Variants in RHBDF1 observed in about 807,000 individuals in gnomAD.
RHBDF1 encodes rhomboid 5 homolog 1.
A neutral mutation model predicts 98.6 loss-of-function variants in RHBDF1; 80 were observed. The ratio of observed to expected loss-of-function variants is 0.81; its 90% confidence interval spans 0.68 to 0.98. The LOEUF (loss-of-function observed/expected upper bound fraction) is 0.98, where lower values mean the gene tolerates loss of function less well. Among genes scored for constraint, RHBDF1 ranks in the 50% least tolerant of loss-of-function variants. RHBDF1 has a pLI of 0.00. For missense variants in RHBDF1, 1,116 were observed against 1,198.3 expected, an observed-to-expected ratio of 0.93 and a Z score of 1.01; for synonymous variants, 512 against 486.8, an observed-to-expected ratio of 1.05 and a Z score of -0.68.
Position 63,779 on chromosome 16 carries a change from T to C in RHBDF1, c.270A>G (p.Gly90=), listed in dbSNP as rs765627241. The change falls in exon 4 of 18, where the codon GGA becomes GGG. Residue 90 remains glycine (G), a synonymous_variant. Transcript: ENST00000262316. The stretch of plus-strand genomic sequence containing the variant: ...GGGTGCTGTCACTGTCCTTGCTCAC[T>C]CCAAACCAGTCGGCGGTCCCCCTGG... ...TIRRGTADWF[G]VSKDSDSTQK... is the part of the protein sequence containing the mutation. 3 of 1,613,512 alleles carry C rather than the reference T, an allele frequency of 1.9e-6. No homozygotes were observed. Among genetic ancestry groups the C allele is most frequent in the Non-Finnish European group, 1.7e-6 (2 of 1,179,758 alleles).
intron 1 of RHBDF1, 115 bp downstream of exon 1, chr16:72,398 C>T (rs1897997163): frequency 4.3e-6 from 2 of 460,358 alleles, no homozygotes; most frequent in African/African-American, 4.3e-5. Flanking sequence ...CGACACGGCC[C>T]CGGCCGCTCT....
chr16:73,885 G>A (rs752294130), upstream of RHBDF1: 18 of 965,940 alleles, frequency 1.9e-5, no homozygotes, highest in South Asian at 8.6e-4. Flanking sequence ...CAGAAAAGGG[G>A]AGAATTTGAA....
At position 62,206 on chromosome 16, in the gene RHBDF1, T is replaced by C. The variant is rs956377313; in HGVS notation, c.954-154A>G. ...CTCCTTGCCAGTAAAAAAGCAACAC[T>C]GCGGGCCTCCGGGGATGGCAGGGAG... On this transcript the variant is annotated intron_variant, in intron 7 of 17. Transcript: ENST00000262316. 7 of 1,093,654 alleles carry C rather than the reference T, an allele frequency of 6.4e-6. No individual in the cohort carries two copies. In the Admixed American group the frequency reaches 1.8e-4, roughly 29 times the overall value. The allele number at this position is 1,093,654 out of a possible 1,614,324, so 67.7% of individuals were successfully genotyped here.
Position 59,928 on chromosome 16 carries a change from G to GA in RHBDF1, c.1723-103dup. The GA allele has an allele frequency of 6.4e-6, 10 of 1,564,208 alleles. No individual in the cohort carries two copies. In the South Asian group the frequency reaches 1.2e-4, roughly 19 times the overall value. On this transcript the variant is annotated intron_variant, in intron 13 of 17. Coordinates refer to ENST00000262316, the MANE Select transcript of RHBDF1 (RefSeq NM_022450.5). ...CAAAGATGGGTGGGCTCATAAAGCAGAAAACGGTGTGGCTTCCTTGACTTC... is the reference window on the plus strand; with the variant it reads ...CAAAGATGGGTGGGCTCATAAAGCAGAAAAACGGTGTGGCTTCCTTGACTTC...
chr16:67,101 C>T (rs1013411411), intron 1 of RHBDF1, among the ~76,000 whole-genome samples: 1 of 152,212 alleles, frequency 6.6e-6, no homozygotes, highest in African/African-American at 2.4e-5. Context: ...TACCATCACC[C>T]TGCTGGTAAG....
At chr16:64,033 T>C (rs1897750607) in intron 3 of RHBDF1, 1 of 688,496 alleles carries the variant, frequency 1.5e-6, no homozygotes, top group Non-Finnish European at 2.6e-6. Context: ...GGTTGAGTGC[T>C]TCATAGAGGC....
chr16:66,589 A>G (rs1897835812), intron 1 of RHBDF1, among the ~76,000 whole-genome samples: 1 of 152,156 alleles, frequency 6.6e-6, no homozygotes, highest in Non-Finnish European at 1.5e-5. Context: ...GGGAGGGGGT[A>G]CTTCAGGGAT....
chr16:65,173 C>T, intron 1 of RHBDF1, 134 bp from the exon 2 acceptor site: 1 of 946,652 alleles, frequency 1.1e-6, no homozygotes, highest in Non-Finnish European at 1.5e-6. Flanking sequence ...CAGAGCACTA[C>T]TGTGTGCTCA....
chr16:69,518 C>A (rs145116371), intron 1 of RHBDF1, among the ~76,000 whole-genome samples: 14 of 152,156 alleles, frequency 9.2e-5, no homozygotes, highest in African/African-American at 1.4e-4. Context: ...TCCCCACCCA[C>A]ACGCTGCTCT....
Position 58,352 on chromosome 16 carries a change from A to C in RHBDF1, c.2556T>G (p.Ala852=). ...DKFCEKYELD[A]QLH ...GCCCGCAGCCAGCTCAGTGGAGCTG[A>C]GCGTCCAGTTCGTACTTCTCACAGA... Residue 852 remains alanine (A), a synonymous_variant, in exon 18 of 18, where the codon GCT becomes GCG. Coordinates refer to ENST00000262316, the MANE Select transcript of RHBDF1 (RefSeq NM_022450.5). 1 of 1,611,332 alleles carries C rather than the reference A, an allele frequency of 6.2e-7. No individual in the cohort carries two copies.
chr16:69,549 T>C (rs1240474818), intron 1 of RHBDF1, among the ~76,000 whole-genome samples: 1 of 152,018 alleles, frequency 6.6e-6, no homozygotes, highest in East Asian at 1.9e-4. Context: ...GTCTTCTGTT[T>C]GACTCCTAAT....
intron 17 of RHBDF1, 25 bp downstream of exon 17, chr16:58,949 T>G: frequency 6.2e-7 from 1 of 1,610,880 alleles, no homozygotes; most frequent in Non-Finnish European, 8.5e-7. Context: ...CACGGGAGGA[T>G]CCCCACCCTG....
upstream of RHBDF1, among the ~76,000 whole-genome samples, chr16:74,519 G>A (rs1314164697): frequency 6.6e-6 from 1 of 152,166 alleles, no homozygotes; most frequent in Admixed American, 6.5e-5. Flanking sequence ...CCTTCAGTGG[G>A]GAGCATGCCC....
In RHBDF1 at chr16:59,372, A is replaced by G. The variant is rs758447554; in HGVS notation, c.1894-23T>C. The G allele has an allele frequency of 6.2e-6, 10 of 1,612,092 alleles. No individual in the cohort carries two copies. In the African/African-American group the frequency reaches 1.3e-4, roughly 22 times the overall value. On this transcript the variant is annotated intron_variant, in intron 15 of 17. Coordinates refer to ENST00000262316, the MANE Select transcript of RHBDF1 (RefSeq NM_022450.5). Reference sequence around the variant, plus strand: ...CACCTGCGCAGAGCAGCATATCAGCATCACAGTAGCTGGGGGAGGGGAACG... The same window carrying G: ...CACCTGCGCAGAGCAGCATATCAGCGTCACAGTAGCTGGGGGAGGGGAACG...
Position 72,534 on chromosome 16 carries a change from G to C in RHBDF1, c.-46C>G. 1.1e-6 allele frequency: 1 copy of C among 949,184 alleles called. No homozygotes were observed. 58.8% of individuals were successfully genotyped at this position (949,184 alleles called of 1,614,324 possible). A position where few individuals can be genotyped will look rare whatever the true frequency, so the allele number is the denominator to read the frequency against. On this transcript the variant is annotated 5_prime_UTR_variant, in exon 1 of 18. Transcript: ENST00000262316. The stretch of plus-strand genomic sequence containing the variant: ...TCACTGCCGCCGCCGGGGGCTCTGG[G>C]GGGTCCTGAGGGCGCCGGGGAGGAG...
In RHBDF1 at chr16:62,767, C is replaced by T. The variant is rs756998721; in HGVS notation, c.795+8G>A. 2 of 1,614,086 alleles carry T rather than the reference C, an allele frequency of 1.2e-6. No individual in the cohort carries two copies. Among genetic ancestry groups the T allele is most frequent in the South Asian group, 1.1e-5 (1 of 91,092 alleles). On this transcript the variant is annotated splice_region_variant and intron_variant, in intron 6 of 17. Coordinates refer to ENST00000262316, the MANE Select transcript of RHBDF1 (RefSeq NM_022450.5). ...GTGGGGTGGGGGGACACCCCGGGCA[C>T]TTCTTACCCGGGCAAAGAAGGATGT...
intron 1 of RHBDF1, 37 bp downstream of exon 1, chr16:72,476 C>T (rs1288381104): frequency 3.1e-6 from 3 of 958,460 alleles, no homozygotes; most frequent in Non-Finnish European, 3.7e-6. Flanking sequence ...AACCCGCCCG[C>T]CCCCGGAGCC....
chr16:73,638 G>A (rs1567120522), upstream of RHBDF1, among the ~76,000 whole-genome samples: 2 of 152,192 alleles, frequency 1.3e-5, no homozygotes, highest in Non-Finnish European at 2.9e-5. Flanking sequence ...AGTGGTGGGT[G>A]GCCAAGGCTT....
At chr16:75,921 G>A (rs1051000136), upstream of RHBDF1, among the ~76,000 whole-genome samples, 1 of 152,166 alleles carries the variant, frequency 6.6e-6, no homozygotes, top group African/African-American at 2.4e-5. Flanking sequence ...TGGGCACCCT[G>A]GGGTCATAAG....
Sources: allele counts gnomAD v4.1 joint callset (sites outside exome capture counted in the v4.1 genomes callset), GRCh38; gene constraint gnomAD v4.1.1; transcripts MANE v1.5; gene names NCBI Gene and HGNC (gene_info 2026-07-23, HGNC 2026-07-21).